The following BPIFB4 variants were observed in gnomAD, a reference collection of about 807,000 sequenced individuals.
BPIFB4 encodes the protein BPI fold containing family B member 4, also known as BPI fold-containing family B member 4.
BPIFB4 carries 62 observed loss-of-function variants against 69.2 expected under a neutral mutation model. That is an observed-to-expected ratio of 0.90 (90% CI 0.73 to 1.11). The LOEUF (loss-of-function observed/expected upper bound fraction) is 1.11. BPIFB4 is among the 50% of genes least tolerant of loss of function. The probability of loss-of-function intolerance (pLI) is 0.00; values close to 1 mark genes in which losing one functional copy is unlikely to be tolerated. For synonymous variants in BPIFB4, 330 were observed against 332.7 expected (o/e 0.99, Z 0.09); for missense variants, 789 against 792.0 (o/e 1.00, Z 0.04).
At chr20:33,095,816 C>T (rs60394642) in intron 12 of BPIFB4, among the ~76,000 whole-genome samples, 30,689 of 152,092 alleles carry the variant, frequency 0.2, 3,335 homozygotes, top group Non-Finnish European at 0.25. Context: ...TTACACATTA[C>T]TTCTTTTTTT....
Position 33,081,562 on chromosome 20 carries a change from G to T in BPIFB4, c.36G>T (p.Val12=). The T allele has an allele frequency of 6.4e-7, 1 of 1,551,726 alleles. No individual in the cohort carries two copies. Among genetic ancestry groups the T allele is most frequent in the Non-Finnish European group, 8.7e-7 (1 of 1,147,000 alleles). Residue 12 remains valine, a synonymous_variant, in exon 3 of 18, where the codon GTG becomes GTT. Coordinates refer to ENST00000375483, the MANE Select transcript of BPIFB4 (RefSeq NM_182519.3). The part of the protein sequence containing the change: ...WMAWCVAALS[V]VAVCGTSHET... ...CCTGGTGTGTGGCTGCGCTGTCTGT[G>T]GTGGCTGTGTGTGGCACCAGCCACG...
chr20:33,083,918 C>T (rs1337356464), intron 5 of BPIFB4, 44 bp downstream of exon 5: 2 of 1,545,224 alleles, frequency 1.3e-6, no homozygotes, highest in African/African-American at 2.8e-5. Flanking sequence ...CCATACACCT[C>T]CAAATGGGGG....
At chr20:33,089,118 C>T in intron 8 of BPIFB4, 89 bp downstream of exon 8, 1 of 1,587,374 alleles carries the variant, frequency 6.3e-7, no homozygotes, top group South Asian at 1.1e-5. Flanking sequence ...TGGGGGCCTG[C>T]AGGTAACCCA....
At chr20:33,096,464 A>C (rs897642608) in intron 12 of BPIFB4, among the ~76,000 whole-genome samples, 5 of 152,154 alleles carry the variant, frequency 3.3e-5, no homozygotes, top group African/African-American at 1.2e-4. Flanking sequence ...GAGTAGAGAC[A>C]GTATTTCGCC....
At chr20:33,104,564 A>G in intron 15 of BPIFB4, 1 of 455,780 alleles carries the variant, frequency 2.2e-6, no homozygotes, top group Non-Finnish European at 3.9e-6. Context: ...CCTGCTTCAT[A>G]GGGGCCTTGG....
At chr20:33,101,481 A>G (rs903979693) in intron 14 of BPIFB4, among the ~76,000 whole-genome samples, 1 of 152,192 alleles carries the variant, frequency 6.6e-6, no homozygotes, top group Admixed American at 6.5e-5. Flanking sequence ...TAAAAAGAAT[A>G]ATTATTATTC....
At chr20:33,085,987 C>T in intron 6 of BPIFB4, 34 bp from the exon 7 acceptor site, 1 of 1,587,022 alleles carries the variant, frequency 6.3e-7, no homozygotes, top group Non-Finnish European at 8.6e-7. Context: ...CTGGGGGTGA[C>T]TCATGGTCTC....
chr20:33,083,427 A>G lies in BPIFB4; in HGVS notation c.230A>G (p.Asn77Ser). 6.2e-7 allele frequency: 1 copy of G among 1,613,446 alleles called. No homozygotes were observed. Among genetic ancestry groups the G allele is most frequent in the Non-Finnish European group, 8.5e-7 (1 of 1,179,630 alleles). The change falls in exon 5 of 18, where the codon AAC becomes AGC. Residue 77 changes from asparagine (N) to serine (S), a missense_variant. Coordinates refer to ENST00000375483, the MANE Select transcript of BPIFB4 (RefSeq NM_182519.3). ...CGAGGACCCCCCCCAGTATATACCA[A>G]CGGCAAAAAACTTGATGGTATTTAC... ...HVRGPPPVYTNGKKLDGIYQY... is the reference protein window; with the variant it reads ...HVRGPPPVYTSGKKLDGIYQY...
At chr20:33,090,647 G>A (rs1981569398) in intron 9 of BPIFB4, 61 bp from the exon 10 acceptor site, 1 of 1,601,670 alleles carries the variant, frequency 6.2e-7, no homozygotes, top group Middle Eastern at 1.7e-4. Context: ...CCCAGTGTAT[G>A]AGGAGGGAAG....
At position 33,100,378 on chromosome 20, in the gene BPIFB4, G is replaced by A. The variant is rs140292229; in HGVS notation, c.1570-48G>A. On this transcript the variant is annotated intron_variant, in intron 13 of 17. Transcript: ENST00000375483. ...CACAATGAGCCTTTGGCAAGCACTG[G>A]CCAAGACATGAAGGCAGTGACGTCT... The A allele has an allele frequency of 2.5e-3, 3,755 of 1,493,398 alleles. 53 individuals are homozygous for A. The highest frequency in any genetic ancestry group is 0.022 in the South Asian group (1,909 of 86,650). The allele number at this position is 1,493,398 out of a possible 1,614,324, so 92.5% of individuals were successfully genotyped here.
rs144938365 is a variant in BPIFB4, at chr20:33,093,404, C to T, written c.1344+746C>T. ...CCAGCCATCCATCCACCCACCCACCCATCCACCAATCAAACCATCCACCCA... is the reference window on the plus strand; with the variant it reads ...CCAGCCATCCATCCACCCACCCACCTATCCACCAATCAAACCATCCACCCA... On this transcript the variant is annotated intron_variant, in intron 11 of 17. Coordinates refer to ENST00000375483, the MANE Select transcript of BPIFB4 (RefSeq NM_182519.3). 1.9e-4 allele frequency among the ~76,000 whole-genome samples: 29 copies of T among 152,120 alleles called. No individual in the cohort carries two copies. The East Asian group carries it at 5.6e-3, about 29-fold the overall frequency.
chr20:33,093,008 C>G (rs1981652438), intron 11 of BPIFB4, among the ~76,000 whole-genome samples: 1 of 152,134 alleles, frequency 6.6e-6, no homozygotes, highest in African/African-American at 2.4e-5. Context: ...AACACTAATA[C>G]ATAAGTAACA....
chr20:33,095,198 A>G (rs1178289286), intron 12 of BPIFB4, 45 bp downstream of exon 12: 2 of 1,537,404 alleles, frequency 1.3e-6, no homozygotes, highest in African/African-American at 1.4e-5. Flanking sequence ...CTCATTCTCT[A>G]TCTTGTTTGA....
intron 7 of BPIFB4, among the ~76,000 whole-genome samples, chr20:33,086,989 C>A (rs752307623): frequency 1.2e-4 from 19 of 152,164 alleles, no homozygotes; most frequent in Non-Finnish European, 2.4e-4. Context: ...CCAGTCCCCC[C>A]AGCCCTTGAA....
At chr20:33,084,739 T>C (rs554671586) in intron 5 of BPIFB4, among the ~76,000 whole-genome samples, 153 bp from the exon 6 acceptor site, 2 of 152,346 alleles carry the variant, frequency 1.3e-5, no homozygotes, top group East Asian at 1.9e-4. Context: ...TTCTCTGTTT[T>C]CCACATTCTG....
intron 6 of BPIFB4, 65 bp downstream of exon 6, chr20:33,085,061 C>T: frequency 6.4e-7 from 1 of 1,560,524 alleles, no homozygotes; most frequent in Non-Finnish European, 8.6e-7. Flanking sequence ...ATCCATAACA[C>T]AGAGGCTAGG....
At chr20:33,086,207 A>G (rs1389384750) in intron 7 of BPIFB4, 43 bp downstream of exon 7, 1 of 1,588,160 alleles carries the variant, frequency 6.3e-7, no homozygotes, top group Non-Finnish European at 8.6e-7. Context: ...GGTTGCTGGA[A>G]TGGTCTGTCT....
chr20:33,100,413 C>T lies in BPIFB4; in HGVS notation c.1570-13C>T. ...GAAGGCAGTGACGTCTTTCTCCTTT[C>T]CTTTCCCTCCAGGACACAGAATTCT... On this transcript the variant is annotated splice_polypyrimidine_tract_variant and intron_variant, in intron 13 of 17. Coordinates refer to ENST00000375483, the MANE Select transcript of BPIFB4 (RefSeq NM_182519.3). The T allele has an allele frequency of 6.3e-7, 1 of 1,582,784 alleles. No homozygotes were observed. The highest frequency in any genetic ancestry group is 8.7e-7 in the Non-Finnish European group (1 of 1,152,026).
At chr20:33,111,071 C>T (rs775299315) in intron 17 of BPIFB4, among the ~76,000 whole-genome samples, 38 of 152,280 alleles carry the variant, frequency 2.5e-4, no homozygotes, top group Middle Eastern at 3.4e-3. Context: ...CTGCCTCAGC[C>T]TCCCAAAGTG....
Sources: allele counts gnomAD v4.1 joint callset (sites outside exome capture counted in the v4.1 genomes callset), GRCh38; gene constraint gnomAD v4.1.1; transcripts MANE v1.5; gene names NCBI Gene and HGNC (gene_info 2026-07-23, HGNC 2026-07-21).